Variants in N4BP1 observed in about 807,000 individuals in gnomAD.
N4BP1 encodes NEDD4 binding protein 1.
Under a neutral mutation model 70.9 loss-of-function variants are expected in N4BP1, and 21 were observed. The ratio of observed to expected loss-of-function variants is 0.30; its 90% CI spans 0.21 to 0.43. The LOEUF (loss-of-function observed/expected upper bound fraction) is 0.43. Ranked by LOEUF, N4BP1 falls within the 20% of genes least tolerant of loss-of-function variation. N4BP1 has a pLI of 1.00. For synonymous variants in N4BP1, 387 were observed against 394.6 expected, an observed-to-expected ratio of 0.98 and a Z score of 0.23; for missense variants, 936 against 1,069.4, an observed-to-expected ratio of 0.88 and a Z score of 1.74.
chr16:48,573,083 T>C (rs1964043701), intron 1 of N4BP1, among the ~76,000 whole-genome samples: 1 of 146,090 alleles, frequency 6.8e-6, no homozygotes, highest in South Asian at 2.1e-4. Context: ...CACTCTAGCC[T>C]GGGCAACAGA....
chr16:48,569,864 G>A (rs1453572127), intron 1 of N4BP1, among the ~76,000 whole-genome samples: 1 of 152,078 alleles, frequency 6.6e-6, no homozygotes, highest in Non-Finnish European at 1.5e-5. Flanking sequence ...GAACAACTTC[G>A]TGGCTCACTT....
chr16:48,608,005 G>A (rs2151105109), intron 1 of N4BP1, among the ~76,000 whole-genome samples: 1 of 152,300 alleles, frequency 6.6e-6, no homozygotes, highest in Middle Eastern at 3.4e-3. Flanking sequence ...GGGCCTACAG[G>A]CGCGTACCAC....
At chr16:48,608,659 G>A (rs539084781) in intron 1 of N4BP1, among the ~76,000 whole-genome samples, 2 of 151,868 alleles carry the variant, frequency 1.3e-5, no homozygotes, top group African/African-American at 2.4e-5. Context: ...GTTTGGAAAG[G>A]GGGGGAAGTA....
In N4BP1 at chr16:48,543,034, G is replaced by C. The variant is rs1295050845; in HGVS notation, c.2561C>G (p.Thr854Ser). 5 of 1,614,080 alleles carry C rather than the reference G, an allele frequency of 3.1e-6. No individual in the cohort carries two copies. The South Asian group carries it at 3.3e-5, about 11-fold the overall frequency. ...CAGAAGGGCTTCCCTCAGCTCGTTG[G>C]TTTCTGCAGAAGATCTCTGAGCTGG... ...PMPAQRSSAE[T>S]NELREALLKI... Residue 854 changes from threonine to serine, a missense_variant, in exon 7 of 7, where the codon ACC becomes AGC. By Grantham distance (58) the Thr-to-Ser change is moderately conservative (BLOSUM62 1). Around this residue, in one of 4 missense-constraint regions of N4BP1, gnomAD observed 229 missense variants for 343.5 expected, o/e 0.67. Transcript: ENST00000262384.
intron 1 of N4BP1, among the ~76,000 whole-genome samples, chr16:48,566,251 T>G (rs771785274): frequency 3.9e-5 from 6 of 152,086 alleles, no homozygotes; most frequent in Non-Finnish European, 8.8e-5. Flanking sequence ...TGCTATGTTG[T>G]CAAGGTTAGT....
At chr16:48,573,620 A>C (rs191589190) in intron 1 of N4BP1, among the ~76,000 whole-genome samples, 13 of 151,892 alleles carry the variant, frequency 8.6e-5, no homozygotes, top group African/African-American at 3.1e-4. Flanking sequence ...AACAAAAAAA[A>C]CCCCAGCAAT....
intron 4 of N4BP1, 119 bp from the exon 5 acceptor site, chr16:48,548,233 C>T (rs1963616592): frequency 3.0e-6 from 2 of 664,954 alleles, no homozygotes; most frequent in South Asian, 1.9e-5. Flanking sequence ...TTAACCAAGG[C>T]TAGGCCACAG....
At position 48,539,876 on chromosome 16, in the gene N4BP1, A is replaced by G. The variant is rs1963466405; in HGVS notation, c.*3028T>C. 6.6e-6 allele frequency: 1 copy of G among 152,404 alleles called. No homozygotes were observed. The highest frequency in any genetic ancestry group is 6.5e-5 in the Admixed American group (1 of 15,286). The allele number at this position is 152,404 out of a possible 1,614,324, so 9.4% of individuals were successfully genotyped here. A position where few individuals can be genotyped will look rare whatever the true frequency, so the allele number is the denominator to read the frequency against. Reference sequence around the variant, plus strand: ...AAGTCCGGTCAAGCCATGTGCACCAAGACAGAGCCCCAGCGCGGCCTTGCA... The same window carrying G: ...AAGTCCGGTCAAGCCATGTGCACCAGGACAGAGCCCCAGCGCGGCCTTGCA... On this transcript the variant is annotated 3_prime_UTR_variant, in exon 7 of 7. Coordinates refer to ENST00000262384, the MANE Select transcript of N4BP1 (RefSeq NM_153029.4).
intron 2 of N4BP1, 85 bp from the exon 3 acceptor site, chr16:48,553,754 C>T (rs1374303802): frequency 2.0e-5 from 23 of 1,137,204 alleles, no homozygotes; most frequent in East Asian, 2.8e-5. Flanking sequence ...TTAACATACA[C>T]ATACAACAAA....
chr16:48,568,146 G>A (rs1464701610), intron 1 of N4BP1, among the ~76,000 whole-genome samples: 3 of 152,204 alleles, frequency 2.0e-5, no homozygotes, highest in Non-Finnish European at 4.4e-5. Context: ...AAACCCTGAT[G>A]CTTTCCCTGT....
intron 1 of N4BP1, among the ~76,000 whole-genome samples, chr16:48,596,747 CCTGAAA>C (rs1964419877): frequency 6.6e-6 from 1 of 152,192 alleles, no homozygotes; most frequent in Admixed American, 6.5e-5. Context: ...ATAGCCCTTT[CCTGAAA>C]AGACTCCCTT....
chr16:48,554,904 C>A (rs2151087424), intron 2 of N4BP1, among the ~76,000 whole-genome samples: 1 of 152,342 alleles, frequency 6.6e-6, no homozygotes, highest in South Asian at 2.1e-4. Flanking sequence ...CTACACTAAT[C>A]CTGCCTGGCT....
At chr16:48,582,279 T>C (rs548372968) in intron 1 of N4BP1, among the ~76,000 whole-genome samples, 1 of 152,288 alleles carries the variant, frequency 6.6e-6, no homozygotes, top group East Asian at 1.9e-4. Context: ...AAGCAATTCA[T>C]AAAAATTTTT....
chr16:48,560,846 A>G lies in N4BP1; in HGVS notation c.1797T>C (p.Thr599=). ...ATTCCAGCTTGTAGGGTATTTTTAG[A>G]GTATCTCGAAACCTTTGAACCCCAG... is the stretch of plus-strand genomic sequence containing the variant. ...SVTGVQRFRD[T]LKIPYKLELK... is the part of the protein sequence containing the mutation. Residue 599 remains threonine, a synonymous_variant, in exon 2 of 7, where the codon ACT becomes ACC. Coordinates refer to ENST00000262384, the MANE Select transcript of N4BP1 (RefSeq NM_153029.4). The G allele has an allele frequency of 1.2e-6, 2 of 1,613,928 alleles. No individual in the cohort carries two copies. Among genetic ancestry groups the G allele is most frequent in the Non-Finnish European group, 1.7e-6 (2 of 1,179,862 alleles).
At chr16:48,573,231 G>A (rs1184636519) in intron 1 of N4BP1, among the ~76,000 whole-genome samples, 3 of 152,040 alleles carry the variant, frequency 2.0e-5, no homozygotes, top group South Asian at 2.1e-4. Context: ...AACTATATTG[G>A]AAAAACTGGG....
chr16:48,561,643 A>T lies in N4BP1; in HGVS notation c.1000T>A (p.Leu334Ile). 6.2e-7 allele frequency: 1 copy of T among 1,613,442 alleles called. No homozygotes were observed. The highest frequency in any genetic ancestry group is 8.5e-7 in the Non-Finnish European group (1 of 1,179,810). The change falls in exon 2 of 7, where the codon TTA becomes ATA. Residue 334 changes from leucine to isoleucine, a missense_variant. Physicochemically the swap from Leu to Ile is conservative, Grantham distance 5 (BLOSUM62 2). This residue lies in a region of N4BP1 where 515 missense variants were observed against 491.7 expected (regional missense o/e 1.05). Transcript: ENST00000262384. ...GTAGTTTCTTTTATATCTGGACTTAAATTTTCAGAATCAGCAGAAGAATCA... is the reference window on the plus strand; with the variant it reads ...GTAGTTTCTTTTATATCTGGACTTATATTTTCAGAATCAGCAGAAGAATCA... ...LSDSSADSEN[L>I]SPDIKETTEE...
intron 1 of N4BP1, among the ~76,000 whole-genome samples, chr16:48,568,535 C>T (rs890488035): frequency 2.0e-5 from 3 of 152,104 alleles, no homozygotes; most frequent in Non-Finnish European, 4.4e-5. Flanking sequence ...TCAGTGTAGA[C>T]TATGGGCAAT....
intron 1 of N4BP1, among the ~76,000 whole-genome samples, chr16:48,589,596 C>A (rs1313694086): frequency 6.6e-6 from 1 of 152,132 alleles, no homozygotes; most frequent in African/African-American, 2.4e-5. Context: ...AAGTGTCTTG[C>A]CCAGAGTTCT....
chr16:48,555,376 C>T (rs915628475), intron 2 of N4BP1, among the ~76,000 whole-genome samples: 6 of 152,224 alleles, frequency 3.9e-5, no homozygotes, highest in South Asian at 2.1e-4. Flanking sequence ...GACTGTCACC[C>T]CACCTGCATG....
Sources: gnomAD v4.1 joint callset for allele counts (sites outside exome capture counted in the v4.1 genomes callset) on GRCh38, gnomAD v4.1.1 for gene constraint, gnomAD v4.1.1 regional missense constraint, MANE v1.5 for transcripts, NCBI Gene and HGNC (gene_info 2026-07-23, HGNC 2026-07-21) for gene names.